Variants in CADPS observed in about 807,000 individuals in gnomAD.
CADPS encodes the protein calcium dependent secretion activator, also known as calcium-dependent secretion activator 1.
CADPS carries 57 observed loss-of-function variants against 167.3 expected under a neutral mutation model. The ratio of observed to expected loss-of-function variants is 0.34; its 90% CI spans 0.28 to 0.42. The LOEUF (loss-of-function observed/expected upper bound fraction) is 0.42, where lower values mean the gene tolerates loss of function less well. CADPS is among the 20% of genes least tolerant of loss of function. The probability of loss-of-function intolerance (pLI) is 1.00; values close to 1 mark genes in which losing one functional copy is unlikely to be tolerated. For missense variants in CADPS, 1,414 were observed against 1,738.1 expected (o/e 0.81, Z 3.32); for synonymous variants, 676 against 635.3 (o/e 1.06, Z -0.96).
intron 1 of CADPS, among the ~76,000 whole-genome samples, chr3:62,804,920 T>C (rs1204872345): frequency 2.0e-5 from 3 of 152,086 alleles, no homozygotes; most frequent in African/African-American, 7.2e-5. Context: ...GTGAACAAAG[T>C]ATAAATAATC....
Position 62,570,917 on chromosome 3 carries a change from C to T in CADPS, c.1599G>A (p.Lys533=). The change falls in exon 9 of 30, where the codon AAG becomes AAA. Residue 533 remains lysine, a synonymous_variant. Transcript: ENST00000383710. ...KHSGYLWAIG[K]NVWKRWKKRF... ...TTTTCTTCCATCTCTTCCAGACATT[C>T]TTACCGATGGCCCATAAATACCTAA... 1 of 1,610,198 alleles carries T rather than the reference C, an allele frequency of 6.2e-7. No individual in the cohort carries two copies. The highest frequency in any genetic ancestry group is 8.5e-7 in the Non-Finnish European group (1 of 1,176,350).
At chr3:62,715,427 A>G (rs2084323284) in intron 3 of CADPS, among the ~76,000 whole-genome samples, 1 of 149,150 alleles carries the variant, frequency 6.7e-6, no homozygotes, top group South Asian at 2.1e-4. Flanking sequence ...ATATTTATAT[A>G]TATTTTTGCT....
chr3:62,550,919 T>G (rs2077221720), intron 10 of CADPS: 1 of 456,778 alleles, frequency 2.2e-6, no homozygotes, highest in East Asian at 6.9e-5. Context: ...ACCCTGACTT[T>G]CCTCCTACCA....
intron 28 of CADPS, among the ~76,000 whole-genome samples, chr3:62,422,643 C>G (rs2051689241): frequency 6.6e-6 from 1 of 152,142 alleles, no homozygotes; most frequent in Non-Finnish European, 1.5e-5. Flanking sequence ...TTGCTGACAT[C>G]TTAGGCATTA....
chr3:62,668,454 G>A (rs1010315684), intron 3 of CADPS, among the ~76,000 whole-genome samples: 14 of 152,100 alleles, frequency 9.2e-5, no homozygotes, highest in Admixed American at 7.9e-4. Flanking sequence ...CTGCTGCCAG[G>A]TTTTTGCACA....
chr3:62,692,074 C>T (rs1563916224), intron 3 of CADPS, among the ~76,000 whole-genome samples: 1 of 151,926 alleles, frequency 6.6e-6, no homozygotes, highest in African/African-American at 2.4e-5. Flanking sequence ...TTTTCAACAC[C>T]ACTGTCTTTA....
At chr3:62,485,582 TTGTGTGTA>T (rs2062696178) in intron 21 of CADPS, among the ~76,000 whole-genome samples, 1 of 152,228 alleles carries the variant, frequency 6.6e-6, no homozygotes, top group East Asian at 1.9e-4. Context: ...GTCATTTTTC[TTGTGTGTA>T]TGTTGCTCAG....
intron 1 of CADPS, among the ~76,000 whole-genome samples, chr3:62,813,318 A>C (rs1233569037): frequency 6.6e-6 from 1 of 152,120 alleles, no homozygotes; most frequent in Non-Finnish European, 1.5e-5. Flanking sequence ...CCACACACCT[A>C]CAAGCATCTG....
At chr3:62,797,016 C>A (rs79922038) in intron 1 of CADPS, among the ~76,000 whole-genome samples, 2 of 152,150 alleles carry the variant, frequency 1.3e-5, no homozygotes, top group Admixed American at 6.6e-5. Context: ...ATTTTACCAA[C>A]TGCATATTTT....
chr3:62,510,191 C>CATCTATCTATCTATCTATCT (rs57153814), intron 17 of CADPS, among the ~76,000 whole-genome samples: 4,981 of 148,328 alleles, frequency 0.034, 106 homozygotes, highest in East Asian at 0.051. Flanking sequence ...CCTATTTCTG[C>CATCTATCTATCTATCTATCT]ATCTATCTAT....
intron 1 of CADPS, among the ~76,000 whole-genome samples, chr3:62,823,834 G>A (rs891457796): frequency 1.3e-5 from 2 of 152,112 alleles, no homozygotes; most frequent in Non-Finnish European, 2.9e-5. Flanking sequence ...GCCTTTCCTG[G>A]GAATAAACTG....
At chr3:62,405,425 C>T (rs190160622) in intron 28 of CADPS, among the ~76,000 whole-genome samples, 132 of 147,264 alleles carry the variant, frequency 9.0e-4, no homozygotes, top group Non-Finnish European at 1.7e-3. Flanking sequence ...TTTCTCTTTG[C>T]TGAGAGACGT....
intron 1 of CADPS, among the ~76,000 whole-genome samples, chr3:62,821,099 T>G (rs937465961): frequency 6.6e-6 from 1 of 152,018 alleles, no homozygotes; most frequent in African/African-American, 2.4e-5. Flanking sequence ...ATGCCTGGCC[T>G]TCTTCCTCAT....
chr3:62,401,771 C>G (rs1001775077), intron 29 of CADPS, among the ~76,000 whole-genome samples: 2 of 149,692 alleles, frequency 1.3e-5, no homozygotes, highest in Non-Finnish European at 3.0e-5. Flanking sequence ...TAAGATTAAA[C>G]CTCCCCTCTG....
intron 3 of CADPS, among the ~76,000 whole-genome samples, chr3:62,710,160 C>T (rs1165832430): frequency 1.3e-5 from 2 of 151,996 alleles, no homozygotes; most frequent in Admixed American, 6.6e-5. Context: ...TTATTTTTCT[C>T]TCTGTCCTCA....
At chr3:62,660,885 G>A (rs142746440) in intron 4 of CADPS, among the ~76,000 whole-genome samples, 19 of 152,262 alleles carry the variant, frequency 1.2e-4, no homozygotes, top group African/African-American at 4.3e-4. Context: ...ACATAAGCCC[G>A]GTGCCAGCCC....
At chr3:62,612,096 T>A (rs2061584719) in intron 6 of CADPS, among the ~76,000 whole-genome samples, 1 of 152,214 alleles carries the variant, frequency 6.6e-6, no homozygotes, top group Admixed American at 6.5e-5. Flanking sequence ...ATAGTTCTAC[T>A]GAAGAGTTAC....
chr3:62,398,692 G>A lies in CADPS; in HGVS notation c.*714C>T, dbSNP rs1264686920. ...AAAAGCAAAATAACATTTAAGAGGA[G>A]AAAACTTTGACAGAAGACAGTAGTT... On this transcript the variant is annotated 3_prime_UTR_variant, in exon 30 of 30. Coordinates refer to ENST00000383710, the MANE Select transcript of CADPS (RefSeq NM_003716.4). 6.6e-6 allele frequency: 1 copy of A among 152,396 alleles called. No individual in the cohort carries two copies. Among genetic ancestry groups the A allele is most frequent in the East Asian group, 1.9e-4 (1 of 5,194 alleles). 9.4% of individuals were successfully genotyped at this position (152,396 alleles called of 1,614,324 possible).
intron 1 of CADPS, among the ~76,000 whole-genome samples, chr3:62,857,663 T>C (rs2079969577): frequency 6.6e-6 from 1 of 152,180 alleles, no homozygotes; most frequent in South Asian, 2.1e-4. Flanking sequence ...GCATATATAA[T>C]ATTAACCTCT....
Sources: allele counts gnomAD v4.1 joint callset (sites outside exome capture counted in the v4.1 genomes callset), GRCh38; gene constraint gnomAD v4.1.1; transcripts MANE v1.5; gene names NCBI Gene and HGNC (gene_info 2026-07-23, HGNC 2026-07-21).